Variants in THADA observed in about 807,000 individuals in gnomAD.
The protein encoded by THADA is THADA armadillo repeat containing.
A neutral mutation model predicts 219.8 loss-of-function variants in THADA; 213 were observed. That is an observed-to-expected ratio of 0.97 (90% CI 0.87 to 1.09). The LOEUF is 1.09. Among genes scored for constraint, THADA ranks in the 50% least tolerant of loss-of-function variants. The probability of loss-of-function intolerance (pLI) is 0.00; values close to 1 mark genes in which losing one functional copy is unlikely to be tolerated. For synonymous variants in THADA, 1,018 were observed against 828.9 expected (o/e 1.23, Z -3.92); for missense variants, 2,956 against 2,311.3 (o/e 1.28, Z -5.72).
intron 7 of THADA, among the ~76,000 whole-genome samples, chr2:43,585,109 G>C (rs1242887522): frequency 6.6e-6 from 1 of 152,072 alleles, no homozygotes; most frequent in Non-Finnish European, 1.5e-5. Flanking sequence ...CCAAGGAAGA[G>C]TTACCCCAAG....
chr2:43,394,244 A>G (rs1673751933), intron 29 of THADA, among the ~76,000 whole-genome samples: 1 of 152,224 alleles, frequency 6.6e-6, no homozygotes, highest in African/African-American at 2.4e-5. Context: ...GGTTTTTAAA[A>G]CGATTAAGAA....
intron 30 of THADA, among the ~76,000 whole-genome samples, chr2:43,325,849 A>C (rs928031064): frequency 3.0e-4 from 45 of 152,330 alleles, no homozygotes; most frequent in African/African-American, 1.0e-3. Context: ...AAGTTTAAGT[A>C]AAATAATTGA....
Position 43,322,287 on chromosome 2 carries a change from T to C in THADA, c.4344-1747A>G, listed in dbSNP as rs538528955. On this transcript the variant is annotated intron_variant, in intron 30 of 37. Coordinates refer to ENST00000405975, the MANE Select transcript of THADA (RefSeq NM_022065.5). ...GGGAGGCTGAGGTGGGTGGATCACC[T>C]GAGGTCAGGAGATCGAGATCAGCAT... Among the ~76,000 whole-genome samples, 12 of 152,044 alleles carry C rather than the reference T, an allele frequency of 7.9e-5. No individual in the cohort carries two copies. In the South Asian group the frequency reaches 2.3e-3, roughly 29 times the overall value.
At chr2:43,510,427 C>A (rs1054303667) in intron 22 of THADA, among the ~76,000 whole-genome samples, 2 of 152,076 alleles carry the variant, frequency 1.3e-5, no homozygotes, top group African/African-American at 4.8e-5. Context: ...AATTGCCCCA[C>A]ACTTTTGTAT....
At position 43,238,877 on chromosome 2, in the gene THADA, A is replaced by G. The variant is rs535558806; in HGVS notation, c.5297-5995T>C. ...TCAGGTGCTCAGTGGAGTGGTTCAC[A>G]TGCCAAGAGCTGTGGGAGCTGGGGG... On this transcript the variant is annotated intron_variant, in intron 36 of 37. Transcript: ENST00000405975. Among the ~76,000 whole-genome samples, 3 of 152,314 alleles carry G rather than the reference A, an allele frequency of 2.0e-5. No individual in the cohort carries two copies. The South Asian group carries it at 6.2e-4, about 32-fold the overall frequency.
intron 24 of THADA, among the ~76,000 whole-genome samples, chr2:43,499,722 T>A (rs1250186444): frequency 6.6e-6 from 1 of 151,862 alleles, no homozygotes; most frequent in African/African-American, 2.4e-5. Flanking sequence ...CATTAAACAC[T>A]GGTCAAATTT....
intron 22 of THADA, among the ~76,000 whole-genome samples, chr2:43,521,467 A>C (rs1488830548): frequency 1.3e-5 from 2 of 152,128 alleles, no homozygotes; most frequent in African/African-American, 4.8e-5. Flanking sequence ...GAGGTGGGAG[A>C]TTCACTTGAA....
At chr2:43,290,272 G>GTT (rs796665720) in intron 34 of THADA, among the ~76,000 whole-genome samples, 3 of 145,124 alleles carry the variant, frequency 2.1e-5, no homozygotes, top group South Asian at 2.2e-4. Context: ...ATGTCTGGCC[G>GTT]TTTTTTTTTT....
intron 26 of THADA, among the ~76,000 whole-genome samples, chr2:43,478,949 G>A (rs1293818159): frequency 6.6e-6 from 1 of 151,946 alleles, no homozygotes; most frequent in Non-Finnish European, 1.5e-5. Context: ...TCTCAACCAG[G>A]GTTACACAAA....
chr2:43,308,280 AAAACAGATT>A (rs1455022255), intron 31 of THADA, among the ~76,000 whole-genome samples: 1 of 152,224 alleles, frequency 6.6e-6, no homozygotes, highest in African/African-American at 2.4e-5. Flanking sequence ...TATCAAAAGT[AAAACAGATT>A]AAAAAAAAAG....
intron 26 of THADA, among the ~76,000 whole-genome samples, chr2:43,467,092 G>A (rs953415728): frequency 1.4e-5 from 2 of 143,812 alleles, no homozygotes; most frequent in South Asian, 4.5e-4. Context: ...TGAGGCAGGA[G>A]AATGGCGTGA....
Position 43,233,979 on chromosome 2 carries a change from G to GC in THADA, c.5297-1098dup, listed in dbSNP as rs576877455. 2.9e-3 allele frequency among the ~76,000 whole-genome samples: 448 copies of GC among 152,072 alleles called. 10 individuals are homozygous for GC. The highest frequency in any genetic ancestry group is 3.5e-3 in the East Asian group (18 of 5,180). On this transcript the variant is annotated intron_variant, in intron 36 of 37. Transcript: ENST00000405975. ...CACACAGACTTACCCTGACCATCTGGCCCCCGAAAGACTTACTCGGCACAC... is the reference window on the plus strand; with the variant it reads ...CACACAGACTTACCCTGACCATCTGGCCCCCCGAAAGACTTACTCGGCACAC...
At chr2:43,517,430 G>A (rs914808619) in intron 22 of THADA, among the ~76,000 whole-genome samples, 1 of 151,962 alleles carries the variant, frequency 6.6e-6, no homozygotes, top group African/African-American at 2.4e-5. Context: ...ACTGAGTAAG[G>A]GTAAGCCTCT....
chr2:43,587,981 A>G (rs1031246797), intron 4 of THADA, among the ~76,000 whole-genome samples: 29 of 152,208 alleles, frequency 1.9e-4, no homozygotes, highest in Non-Finnish European at 3.4e-4. Context: ...TAATTCAAAA[A>G]TGGGAATATT....
intron 22 of THADA, among the ~76,000 whole-genome samples, chr2:43,527,491 C>A (rs1191891110): frequency 6.6e-6 from 1 of 152,034 alleles, no homozygotes; most frequent in Non-Finnish European, 1.5e-5. Flanking sequence ...AAGAAAAAAA[C>A]CAAAATCCTT....
intron 28 of THADA, among the ~76,000 whole-genome samples, chr2:43,422,493 G>T (rs1018314678): frequency 1.3e-5 from 2 of 152,110 alleles, no homozygotes; most frequent in Non-Finnish European, 2.9e-5. Flanking sequence ...AGTTCAGGGG[G>T]ACTACAGCCT....
intron 31 of THADA, among the ~76,000 whole-genome samples, chr2:43,301,022 A>T (rs951158990): frequency 6.6e-6 from 1 of 152,340 alleles, no homozygotes; most frequent in Non-Finnish European, 1.5e-5. Flanking sequence ...TAATGATATT[A>T]AAACCACACA....
chr2:43,275,676 G>A (rs1672652708), intron 36 of THADA, among the ~76,000 whole-genome samples: 1 of 152,154 alleles, frequency 6.6e-6, no homozygotes, highest in Non-Finnish European at 1.5e-5. Context: ...AAAGGCTCAG[G>A]TATCCCTGGC....
chr2:43,475,334 G>C (rs772776612), intron 26 of THADA, among the ~76,000 whole-genome samples: 26 of 151,396 alleles, frequency 1.7e-4, no homozygotes, highest in Admixed American at 9.2e-4. Context: ...CGGGAGGATG[G>C]CTTGAGCCCA....
Sources: allele counts gnomAD v4.1 joint callset (sites outside exome capture counted in the v4.1 genomes callset), GRCh38; gene constraint gnomAD v4.1.1; transcripts MANE v1.5; gene names NCBI Gene and HGNC (gene_info 2026-07-23, HGNC 2026-07-21).